NUP160: variants seen among roughly 807,000 people sequenced by gnomAD.
NUP160 encodes nucleoporin 160.
A neutral mutation model predicts 196.9 loss-of-function variants in NUP160; 94 were observed. That is an observed-to-expected ratio of 0.48 (90% CI 0.40 to 0.57). The LOEUF (loss-of-function observed/expected upper bound fraction) is 0.57, where lower values mean the gene tolerates loss of function less well. Ranked by LOEUF, NUP160 falls within the 20% of genes least tolerant of loss-of-function variation. The probability of loss-of-function intolerance (pLI) is 0.00; values close to 1 mark genes in which losing one functional copy is unlikely to be tolerated. For synonymous variants in NUP160, 605 were observed against 619.7 expected (o/e 0.98, Z 0.35); for missense variants, 1,638 against 1,748.3 (o/e 0.94, Z 1.13).
At chr11:47,780,540 CTT>C (rs72169400) in intron 34 of NUP160, 93 bp from the exon 35 acceptor site, 160,957 of 421,628 alleles carry the variant, frequency 0.38, 9,939 homozygotes, top group South Asian at 0.42. Context: ...ATAAAATACC[CTT>C]TTTTTTTTTT....
At chr11:47,789,688 T>A (rs931322273) in intron 29 of NUP160, among the ~76,000 whole-genome samples, 11 of 151,774 alleles carry the variant, frequency 7.2e-5, no homozygotes, top group Non-Finnish European at 1.0e-4. Flanking sequence ...TAATATATAG[T>A]ATATAACGTT....
chr11:47,816,116 A>G (rs1240452986), intron 11 of NUP160, 87 bp from the exon 12 acceptor site: 1 of 866,022 alleles, frequency 1.2e-6, no homozygotes, highest in Admixed American at 2.2e-5. Context: ...GAGGCAATAT[A>G]AAACTATATA....
chr11:47,839,523 G>A (rs1021787085), intron 4 of NUP160: 2 of 296,906 alleles, frequency 6.7e-6, no homozygotes. Context: ...GGTATTTAAT[G>A]TCTTTGTTTC....
rs1565189744 is a variant in NUP160 at position 47,793,726 on chromosome 11, T to TG, written c.3290-781_3290-780insC. ...TTAATTATCTGTAAGATATCTGTTT[T>TG]TTTTTTTTTTTTTTTTTTTTTTTTT... On this transcript the variant is annotated intron_variant, in intron 27 of 35. Coordinates refer to ENST00000378460, the Ensembl canonical transcript of NUP160. Among the ~76,000 whole-genome samples the TG allele has an allele frequency of 2.4e-3, 16 of 6,584 alleles. 1 individual carries two copies. The highest frequency in any genetic ancestry group is 6.0e-3 in the East Asian group (1 of 168). The allele number at this position is 6,584 out of a possible 152,430, so 4.3% of individuals were successfully genotyped here. A position where few individuals can be genotyped will look rare whatever the true frequency, so the allele number is the denominator to read the frequency against.
chr11:47,784,986 C>T (rs751177088), exon 33 of NUP160: 1 of 1,603,600 alleles, frequency 6.2e-7, no homozygotes, highest in Non-Finnish European at 8.5e-7. Flanking sequence ...GTTGATTACA[C>T]AGTGGTGATA....
At chr11:47,797,653 G>A in intron 27 of NUP160, 126 bp downstream of exon 27, 1 of 668,382 alleles carries the variant, frequency 1.5e-6, no homozygotes, top group Non-Finnish European at 2.6e-6. Flanking sequence ...ATCTTCACAA[G>A]GTTTAAGCTA....
In NUP160 at chr11:47,815,667, A is replaced by G. The variant is rs1470660286; in HGVS notation, c.1516-18T>C. On this transcript the variant is annotated intron_variant, in intron 12 of 35. Coordinates refer to ENST00000378460, the Ensembl canonical transcript of NUP160. ...CCTTGAAGCTGGCAAAGAAGAAATGAAAGAAATTAAACTTTTGATGCCATT... is the reference window on the plus strand; with the variant it reads ...CCTTGAAGCTGGCAAAGAAGAAATGGAAGAAATTAAACTTTTGATGCCATT... The G allele has an allele frequency of 6.4e-7, 1 of 1,560,656 alleles. No homozygotes were observed. Among genetic ancestry groups the G allele is most frequent in the Non-Finnish European group, 8.6e-7 (1 of 1,158,122 alleles).
At chr11:47,813,497 GAGGCAAACCC>G in intron 13 of NUP160, 82 bp from the exon 14 acceptor site, 1 of 855,112 alleles carries the variant, frequency 1.2e-6, no homozygotes, top group African/African-American at 1.7e-5. Context: ...ATCTTATCAT[GAGGCAAACCC>G]AAGTTGCAAT....
At chr11:47,788,874 A>C (rs1004087995) in intron 29 of NUP160, among the ~76,000 whole-genome samples, 3 of 151,712 alleles carry the variant, frequency 2.0e-5, no homozygotes, top group African/African-American at 7.3e-5. Context: ...TAACTCTTTA[A>C]ACTTTTTTTT....
At chr11:47,846,777 G>A (rs911706797) in intron 2 of NUP160, among the ~76,000 whole-genome samples, 1 of 152,072 alleles carries the variant, frequency 6.6e-6, no homozygotes, top group Non-Finnish European at 1.5e-5. Flanking sequence ...TAGATTCAGG[G>A]GTACATGTGC....
At chr11:47,848,438 G>T (rs1481954910) in exon 1 of NUP160, 3 of 1,518,424 alleles carry the variant, frequency 2.0e-6, no homozygotes, top group Middle Eastern at 2.3e-4. Flanking sequence ...GCAGAAAGGC[G>T]GCTCCGGCCC....
intron 17 of NUP160, among the ~76,000 whole-genome samples, chr11:47,810,421 G>T (rs1010155299): frequency 8.6e-5 from 13 of 151,866 alleles, no homozygotes. Flanking sequence ...AAACTTCTAG[G>T]CTCAAGCAAC....
chr11:47,838,632 T>TGG lies in NUP160; in HGVS notation c.749-1011_749-1010dup, dbSNP rs11457395. Among the ~76,000 whole-genome samples the TGG allele has an allele frequency of 4.4e-4, 67 of 150,966 alleles. 1 individual carries two copies. The highest frequency in any genetic ancestry group is 4.1e-3 in the East Asian group (21 of 5,094). On this transcript the variant is annotated intron_variant, in intron 4 of 35. Transcript: ENST00000378460. ...CTGAGACATGAGAATCACTTGAACCTGGGGGGGGCGGAGGTTGCAGTGAGC... is the reference window on the plus strand; with the variant it reads ...CTGAGACATGAGAATCACTTGAACCTGGGGGGGGGGCGGAGGTTGCAGTGAGC...
chr11:47,848,134 G>GA, intron 1 of NUP160, 85 bp downstream of exon 1: 1 of 1,492,212 alleles, frequency 6.7e-7, no homozygotes, highest in African/African-American at 1.4e-5. Flanking sequence ...TCAGGAGGAT[G>GA]AAACAGGGCG....
At chr11:47,840,203 T>A in intron 3 of NUP160, 138 bp from the exon 4 acceptor site, 1 of 846,374 alleles carries the variant, frequency 1.2e-6, no homozygotes. Context: ...TGAAAACTAA[T>A]TCTCAACTTA....
intron 20 of NUP160, among the ~76,000 whole-genome samples, chr11:47,805,261 C>A (rs1449377613): frequency 3.3e-5 from 5 of 151,896 alleles, no homozygotes; most frequent in Non-Finnish European, 5.9e-5. Context: ...TCCTGAGTAG[C>A]TGGGACTACA....
chr11:47,820,989 T>C (rs1599333116), intron 9 of NUP160, among the ~76,000 whole-genome samples: 1 of 152,074 alleles, frequency 6.6e-6, no homozygotes, highest in Non-Finnish European at 1.5e-5. Flanking sequence ...AGCCCTGTTT[T>C]AAAATAAATT....
chr11:47,800,612 G>A (rs978260387), intron 23 of NUP160, among the ~76,000 whole-genome samples: 48 of 152,164 alleles, frequency 3.2e-4, no homozygotes, highest in Non-Finnish European at 6.2e-4. Flanking sequence ...GGCTGGTCTC[G>A]AACTACTGAC....
chr11:47,837,656 ACT>A lies in NUP160; in HGVS notation c.749-35_749-34del, dbSNP rs748719551. On this transcript the variant is annotated intron_variant, in intron 4 of 35. Coordinates refer to ENST00000378460, the Ensembl canonical transcript of NUP160. The stretch of plus-strand genomic sequence containing the variant: ...GATATCCAAGGCACCTCTTGAACAC[ACT>A]TAGAGAAACCCAAAGGCAAGAATGA... The A allele has an allele frequency of 2.5e-4, 385 of 1,538,040 alleles. 6 individuals are homozygous for A. In the Admixed American group the frequency reaches 6.4e-3, roughly 25 times the overall value.
Sources: allele counts gnomAD v4.1 joint callset (sites outside exome capture counted in the v4.1 genomes callset), GRCh38; gene constraint gnomAD v4.1.1; transcripts MANE v1.5; gene names NCBI Gene and HGNC (gene_info 2026-07-23, HGNC 2026-07-21).